The following CCSER2 variants were observed in gnomAD, a reference collection of about 807,000 sequenced individuals.
CCSER2 encodes the protein serine-rich coiled-coil domain-containing protein 2.
Under a neutral mutation model 92.3 loss-of-function variants are expected in CCSER2, and 46 were observed. The observed-to-expected ratio is 0.50, with a 90% CI of 0.39 to 0.64. CCSER2 has a LOEUF of 0.64. Among genes scored for constraint, CCSER2 ranks in the 30% least tolerant of loss-of-function variants. The probability of loss-of-function intolerance (pLI) is 0.00; values close to 1 mark genes in which losing one functional copy is unlikely to be tolerated. For synonymous variants in CCSER2, 433 were observed against 431.4 expected (o/e 1.00, Z -0.04); for missense variants, 1,244 against 1,238.9 (o/e 1.00, Z -0.06).
chr10:84,475,634 T>C (rs1847094154), intron 8 of CCSER2, among the ~76,000 whole-genome samples: 1 of 152,224 alleles, frequency 6.6e-6, no homozygotes. Flanking sequence ...ATTATGAGTT[T>C]ATCCAGGTGT....
intron 6 of CCSER2, among the ~76,000 whole-genome samples, chr10:84,440,323 C>A (rs1844449796): frequency 6.6e-6 from 1 of 151,988 alleles, no homozygotes; most frequent in African/African-American, 2.4e-5. Flanking sequence ...ATTGCAAAAT[C>A]TTTGTAGGTC....
At chr10:84,479,537 G>C (rs190212868) in intron 9 of CCSER2, among the ~76,000 whole-genome samples, 1 of 152,302 alleles carries the variant, frequency 6.6e-6, no homozygotes, top group South Asian at 2.1e-4. Context: ...TAGTAGAAAA[G>C]GGGAAAGGAG....
At chr10:84,440,494 G>T (rs1193907047) in intron 6 of CCSER2, among the ~76,000 whole-genome samples, 8 of 152,052 alleles carry the variant, frequency 5.3e-5, no homozygotes, top group Admixed American at 5.2e-4. Context: ...CTATTCGAAG[G>T]CTTAATGAAA....
At chr10:84,411,831 A>T (rs1842665362) in intron 3 of CCSER2, among the ~76,000 whole-genome samples, 1 of 152,196 alleles carries the variant, frequency 6.6e-6, no homozygotes, top group African/African-American at 2.4e-5. Flanking sequence ...CCTGGCCAGA[A>T]CTTCCAGTAC....
intron 1 of CCSER2, among the ~76,000 whole-genome samples, chr10:84,365,101 T>G (rs1331663041): frequency 1.3e-5 from 2 of 152,144 alleles, no homozygotes. Context: ...TTTAAAAAAT[T>G]ATTCTTGCAG....
At chr10:84,486,196 G>A (rs937868133) in intron 9 of CCSER2, among the ~76,000 whole-genome samples, 5 of 152,222 alleles carry the variant, frequency 3.3e-5, no homozygotes, top group African/African-American at 4.8e-5. Flanking sequence ...TAGTGCTGCA[G>A]TAAACATACG....
chr10:84,429,532 C>G (rs1245009970), intron 5 of CCSER2, among the ~76,000 whole-genome samples: 1 of 151,938 alleles, frequency 6.6e-6, no homozygotes, highest in Non-Finnish European at 1.5e-5. Flanking sequence ...ATTTCAACTC[C>G]CATGCTTTCT....
intron 6 of CCSER2, among the ~76,000 whole-genome samples, chr10:84,444,270 A>C (rs1844771625): frequency 6.6e-6 from 1 of 152,328 alleles, no homozygotes; most frequent in South Asian, 2.1e-4. Context: ...TAGTAAGCCA[A>C]ACAAGCGACT....
chr10:84,361,941 C>A (rs1385023390), intron 1 of CCSER2, among the ~76,000 whole-genome samples: 1 of 152,098 alleles, frequency 6.6e-6, no homozygotes, highest in East Asian at 1.9e-4. Context: ...TGCCTGGCCT[C>A]ACTAACATTT....
At chr10:84,373,174 GATTGTCTATAGGTCTTCTAAA>G (rs1846157503) in intron 2 of CCSER2, among the ~76,000 whole-genome samples, 1 of 152,044 alleles carries the variant, frequency 6.6e-6, no homozygotes, top group Admixed American at 6.6e-5. Flanking sequence ...ACAAACCCTT[GATTGTCTATAGGTCTTCTAAA>G]AGAGACTGCC....
chr10:84,464,041 T>G (rs759513546), intron 7 of CCSER2, 25 bp downstream of exon 7: 1 of 1,297,438 alleles, frequency 7.7e-7, no homozygotes, highest in Non-Finnish European at 1.1e-6. Context: ...TCATGCTGGA[T>G]TTTTCAAAAT....
chr10:84,396,304 A>G (rs958611833), intron 3 of CCSER2, among the ~76,000 whole-genome samples: 34 of 150,688 alleles, frequency 2.3e-4, no homozygotes, highest in African/African-American at 7.8e-4. Context: ...CTATATTTAT[A>G]CTATATTATA....
intron 6 of CCSER2, among the ~76,000 whole-genome samples, chr10:84,454,201 G>A (rs552859154): frequency 4.3e-4 from 65 of 152,262 alleles, no homozygotes; most frequent in Non-Finnish European, 8.8e-4. Flanking sequence ...TCCTTGATTT[G>A]TAGATGCATC....
chr10:84,434,593 G>A (rs1465963091), intron 5 of CCSER2, among the ~76,000 whole-genome samples: 4 of 152,070 alleles, frequency 2.6e-5, no homozygotes, highest in African/African-American at 7.2e-5. Context: ...GTATATTGTT[G>A]TTCATTGTAG....
chr10:84,385,004 A>AACACACACACAC (rs56977232), intron 3 of CCSER2, among the ~76,000 whole-genome samples: 10,377 of 145,676 alleles, frequency 0.071, 471 homozygotes, highest in Admixed American at 0.15. Context: ...ATTTACAATA[A>AACACACACACAC]ACACACACAC....
chr10:84,465,271 G>A (rs1846333860), intron 7 of CCSER2, among the ~76,000 whole-genome samples: 1 of 117,132 alleles, frequency 8.5e-6, no homozygotes, highest in South Asian at 2.4e-4. Context: ...GTGTGTGTGT[G>A]TGTGTGTGTG....
chr10:84,344,769 A>G lies in CCSER2; in HGVS notation c.-40+15961A>G, dbSNP rs568024749. Among the ~76,000 whole-genome samples the G allele has an allele frequency of 3.1e-3, 470 of 152,276 alleles. 5 individuals carry two copies. Among genetic ancestry groups the G allele is most frequent in the African/African-American group, 0.011 (444 of 41,570 alleles). ...AGGTGGTTTGGTGTGGTTGGAAGGC[A>G]GGGTTTGTTGGTTAGTGGTGAGAGG... is the stretch of plus-strand genomic sequence containing the variant. On this transcript the variant is annotated intron_variant, in intron 1 of 9. Coordinates refer to ENST00000372088, the MANE Select transcript of CCSER2 (RefSeq NM_001284240.2).
chr10:84,500,088 G>A, intron 9 of CCSER2: 1 of 1,279,016 alleles, frequency 7.8e-7, no homozygotes, highest in Non-Finnish European at 1.1e-6. Context: ...TGCTAAAGCA[G>A]CACTCTCTGT....
chr10:84,408,277 TGTA>T (rs1449560730), intron 3 of CCSER2, among the ~76,000 whole-genome samples: 1 of 152,232 alleles, frequency 6.6e-6, no homozygotes, highest in Admixed American at 6.5e-5. Flanking sequence ...GCATTAAAAT[TGTA>T]GTCATATTGT....
Sources: gnomAD v4.1 joint callset for allele counts (sites outside exome capture counted in the v4.1 genomes callset) on GRCh38, gnomAD v4.1.1 for gene constraint, MANE v1.5 for transcripts, NCBI Gene and HGNC (gene_info 2026-07-23, HGNC 2026-07-21) for gene names.